The following ADGRL3 variants were observed in gnomAD, a reference collection of about 807,000 sequenced individuals.
ADGRL3 encodes adhesion G protein-coupled receptor L3.
In ADGRL3, 62 loss-of-function variants were observed where a neutral mutation model predicts 153.5. The observed-to-expected ratio is 0.40, with a 90% confidence interval of 0.33 to 0.50. The LOEUF is 0.50. ADGRL3 is among the 20% of genes least tolerant of loss of function. ADGRL3 has a pLI of 0.47. For missense variants in ADGRL3, 1,641 were observed against 1,859.4 expected (o/e 0.88, Z 2.16); for synonymous variants, 710 against 672.5 (o/e 1.06, Z -0.86).
chr4:61,334,508 C>G (rs1412579682), intron 1 of ADGRL3, among the ~76,000 whole-genome samples: 1 of 152,082 alleles, frequency 6.6e-6, no homozygotes, highest in Non-Finnish European at 1.5e-5. Flanking sequence ...TGACGACTAT[C>G]AAAAGAAAAC....
intron 2 of ADGRL3, among the ~76,000 whole-genome samples, chr4:61,494,160 G>A (rs2098287237): frequency 6.7e-6 from 1 of 149,970 alleles, no homozygotes; most frequent in Non-Finnish European, 1.5e-5. Context: ...AAAATCTACT[G>A]TGGTAGAAAT....
intron 1 of ADGRL3, among the ~76,000 whole-genome samples, chr4:61,272,688 G>T (rs1471769773): frequency 6.6e-6 from 1 of 151,998 alleles, no homozygotes; most frequent in African/African-American, 2.4e-5. Flanking sequence ...ATCAAATTTA[G>T]AATGAAAAGT....
intron 2 of ADGRL3, among the ~76,000 whole-genome samples, chr4:61,462,815 A>G (rs145647607): frequency 1.1e-3 from 168 of 152,274 alleles, no homozygotes; most frequent in African/African-American, 3.9e-3. Context: ...TGTAATGGAT[A>G]TACAGTACCT....
In ADGRL3 at chr4:61,934,999, G is replaced by T; in HGVS notation, c.2272G>T (p.Val758Phe). 1 of 1,613,752 alleles carries T rather than the reference G, an allele frequency of 6.2e-7. No homozygotes were observed. The highest frequency in any genetic ancestry group is 8.5e-7 in the Non-Finnish European group (1 of 1,179,754). Residue 758 changes from valine (V) to phenylalanine (F), a missense_variant, in exon 14 of 27, where the codon GTC becomes TTC. By Grantham distance (50) the Val-to-Phe change is conservative. This residue lies in a region of ADGRL3 where 734 missense variants were observed against 797.0 expected (regional missense o/e 0.92). Transcript: ENST00000683033. Reference sequence around the variant, plus strand: ...TGATAACCTTTTGAAGACTGACATTGTCAGGGAGAATACAGACAATATTAG... The same window carrying T: ...TGATAACCTTTTGAAGACTGACATTTTCAGGGAGAATACAGACAATATTAG... ...LADNLLKTDI[V>F]RENTDNIKLE...
intron 3 of ADGRL3, among the ~76,000 whole-genome samples, chr4:61,505,960 AT>A (rs1402467832): frequency 6.6e-6 from 1 of 152,110 alleles, no homozygotes; most frequent in Non-Finnish European, 1.5e-5. Context: ...ATGTCACCAT[AT>A]TTAGGAAGCA....
intron 1 of ADGRL3, among the ~76,000 whole-genome samples, chr4:61,373,228 A>T (rs1021522109): frequency 6.6e-6 from 1 of 152,150 alleles, no homozygotes; most frequent in East Asian, 1.9e-4. Flanking sequence ...AGCTGTTCCT[A>T]TTCGGCCATC....
chr4:61,568,748 C>T (rs2098826621), intron 4 of ADGRL3, among the ~76,000 whole-genome samples: 2 of 152,244 alleles, frequency 1.3e-5, no homozygotes, highest in South Asian at 2.1e-4. Context: ...TTCATGATCC[C>T]TTTTCTGCCA....
At chr4:61,646,025 T>G (rs1286118140) in intron 5 of ADGRL3, among the ~76,000 whole-genome samples, 9 of 152,198 alleles carry the variant, frequency 5.9e-5, no homozygotes, top group African/African-American at 1.2e-4. Context: ...TCTCGCTTCA[T>G]TTCATTCATT....
chr4:61,370,761 C>G (rs938498687), intron 1 of ADGRL3, among the ~76,000 whole-genome samples: 2 of 152,038 alleles, frequency 1.3e-5, no homozygotes, highest in Non-Finnish European at 2.9e-5. Flanking sequence ...TGGTGCAGAG[C>G]TGAGTTCAAT....
chr4:61,595,993 A>C (rs535692125), intron 5 of ADGRL3, among the ~76,000 whole-genome samples: 1 of 152,130 alleles, frequency 6.6e-6, no homozygotes, highest in Non-Finnish European at 1.5e-5. Context: ...CCCAAAGTGC[A>C]CAAATACTCT....
chr4:61,800,778 G>A (rs2097485390), intron 8 of ADGRL3, among the ~76,000 whole-genome samples: 4 of 152,162 alleles, frequency 2.6e-5, no homozygotes, highest in Admixed American at 2.6e-4. Flanking sequence ...AGGCCATCAG[G>A]CATAATTCTG....
intron 2 of ADGRL3, among the ~76,000 whole-genome samples, chr4:61,474,150 G>A (rs2098011036): frequency 6.6e-6 from 1 of 152,140 alleles, no homozygotes; most frequent in African/African-American, 2.4e-5. Flanking sequence ...GAACATTTTA[G>A]AAGGTTATGT....
chr4:61,934,740 C>T, intron 13 of ADGRL3, 100 bp from the exon 14 acceptor site: 1 of 820,722 alleles, frequency 1.2e-6, no homozygotes, highest in South Asian at 1.6e-5. Context: ...CTCATGCACA[C>T]ACTGCTGATC....
chr4:61,353,600 A>ATTTTTTTTTTTTTT (rs34199193), intron 1 of ADGRL3, among the ~76,000 whole-genome samples: 1 of 118,840 alleles, frequency 8.4e-6, no homozygotes, highest in Non-Finnish European at 1.6e-5. Flanking sequence ...TTTTCTTTCA[A>ATTTTTTTTTTTTTT]TTTTTTTTTT....
At chr4:61,569,286 T>A (rs1369520871) in intron 4 of ADGRL3, among the ~76,000 whole-genome samples, 1 of 152,192 alleles carries the variant, frequency 6.6e-6, no homozygotes, top group African/African-American at 2.4e-5. Context: ...TCACATGCCA[T>A]AAGACTCATT....
In ADGRL3 at chr4:61,696,510, A is replaced by G. The variant is rs145718519; in HGVS notation, c.583+19575A>G. Among the ~76,000 whole-genome samples, 159 of 152,170 alleles carry G rather than the reference A, an allele frequency of 1.0e-3. No individual in the cohort carries two copies. In the East Asian group the frequency reaches 0.026, roughly 25 times the overall value. ...AACTATTTAGTGTACTTGAAGTTCA[A>G]CTAGCTTATATTTTAATTTTAATTG... On this transcript the variant is annotated intron_variant, in intron 6 of 26. Coordinates refer to ENST00000683033, the MANE Select transcript of ADGRL3 (RefSeq NM_001387552.1).
At chr4:61,865,846 T>C (rs1293493896) in intron 9 of ADGRL3, among the ~76,000 whole-genome samples, 1 of 152,184 alleles carries the variant, frequency 6.6e-6, no homozygotes, top group Non-Finnish European at 1.5e-5. Flanking sequence ...TTTGACAGAA[T>C]CCAGTTTCAG....
Position 61,517,355 on chromosome 4 carries a change from A to C in ADGRL3, c.96A>C (p.Pro32=). The C allele has an allele frequency of 1.4e-6, 1 of 705,646 alleles. No homozygotes were observed. Among genetic ancestry groups the C allele is most frequent in the Non-Finnish European group, 2.6e-6 (1 of 387,546 alleles). 43.7% of individuals were successfully genotyped at this position (705,646 alleles called of 1,614,324 possible). The part of the protein sequence containing the change: ...HSERHPALAA[P]LRHAERSPGG... ...AACGACATCCTGCCCTTGCTGCTCCATTGCGACACGCTGAGCGCAGCCCAG... is the reference window on the plus strand; with the variant it reads ...AACGACATCCTGCCCTTGCTGCTCCCTTGCGACACGCTGAGCGCAGCCCAG... Residue 32 remains proline, a synonymous_variant, in exon 4 of 27, where the codon CCA becomes CCC. Coordinates refer to ENST00000683033, the MANE Select transcript of ADGRL3 (RefSeq NM_001387552.1).
intron 1 of ADGRL3, among the ~76,000 whole-genome samples, chr4:61,308,572 T>C (rs1560456233): frequency 1.3e-5 from 2 of 152,294 alleles, no homozygotes; most frequent in East Asian, 3.9e-4. Context: ...TCTGGCACCG[T>C]AACTGCATCT....
Sources: gnomAD v4.1 joint callset for allele counts (sites outside exome capture counted in the v4.1 genomes callset) on GRCh38, gnomAD v4.1.1 for gene constraint, gnomAD v4.1.1 regional missense constraint, MANE v1.5 for transcripts, NCBI Gene and HGNC (gene_info 2026-07-23, HGNC 2026-07-21) for gene names.